The following RAP1B variants were observed in gnomAD, a reference collection of about 807,000 sequenced individuals.
RAP1B encodes the protein RAP1B, member of RAS oncogene family.
In RAP1B, 1 loss-of-function variant was observed where a neutral mutation model predicts 27.5. The ratio of observed to expected loss-of-function variants is 0.04; its 90% CI spans 0.01 to 0.17. The LOEUF is 0.17. Ranked by LOEUF, RAP1B falls within the 10% of genes least tolerant of loss-of-function variation. The pLI is 1.00. For missense variants in RAP1B, 84 were observed against 214.8 expected (o/e 0.39, Z 3.81); for synonymous variants, 75 against 73.1 (o/e 1.03, Z -0.13).
In RAP1B at chr12:68,664,348, T is replaced by G. The variant is rs1555174342; in HGVS notation, c.*5099T>G. On this transcript the variant is annotated 3_prime_UTR_variant, in exon 8 of 8. Transcript: ENST00000250559. ...TTTCAGAACAGGAAATTCTATTAAC[T>G]GTCAAACTCTTTAATGTGCAGTGCA... 1.3e-5 allele frequency: 2 copies of G among 152,176 alleles called. No homozygotes were observed. The highest frequency in any genetic ancestry group is 2.9e-5 in the Non-Finnish European group (2 of 68,034). The allele number at this position is 152,176 out of a possible 1,614,324, so 9.4% of individuals were successfully genotyped here.
intron 3 of RAP1B, chr12:68,650,689 A>G (rs1873750696): frequency 3.2e-6 from 1 of 316,648 alleles, no homozygotes; most frequent in Non-Finnish European, 5.5e-6. Context: ...AATTTGACAC[A>G]TAAACTTTAA....
intron 3 of RAP1B, chr12:68,651,554 A>G (rs1873814995): frequency 6.4e-6 from 1 of 156,520 alleles, no homozygotes; most frequent in Admixed American, 6.2e-5. Flanking sequence ...TTAATTCCAG[A>G]AATCTTGTTC....
In RAP1B at chr12:68,669,716, G is replaced by C. The variant is rs1460185702; in HGVS notation, c.*10467G>C. The C allele has an allele frequency of 6.6e-6, 1 of 152,116 alleles. No homozygotes were observed. Among genetic ancestry groups the C allele is most frequent in the Non-Finnish European group, 1.5e-5 (1 of 68,084 alleles). The allele number at this position is 152,116 out of a possible 1,614,324, so 9.4% of individuals were successfully genotyped here. A position where few individuals can be genotyped will look rare whatever the true frequency, so the allele number is the denominator to read the frequency against. On this transcript the variant is annotated 3_prime_UTR_variant, in exon 8 of 8. Coordinates refer to ENST00000250559, the MANE Select transcript of RAP1B (RefSeq NM_001010942.3). ...CTCTGGAGGCTGAGGCAGGAGAATCGCTTGAACCCAGGAGGCAGAGGGTGC... is the reference window on the plus strand; with the variant it reads ...CTCTGGAGGCTGAGGCAGGAGAATCCCTTGAACCCAGGAGGCAGAGGGTGC...
chr12:68,647,573 CTTT>C (rs535209428), intron 1 of RAP1B, among the ~76,000 whole-genome samples: 3 of 141,992 alleles, frequency 2.1e-5, no homozygotes. Flanking sequence ...CTTTTTTTCC[CTTT>C]TTTTTTTTTT....
chr12:68,654,075 ATTATT>A (rs774069886), intron 4 of RAP1B, 32 bp from the exon 5 acceptor site: 2 of 1,527,580 alleles, frequency 1.3e-6, no homozygotes, highest in Non-Finnish European at 1.8e-6. Context: ...CTGTCAAAAC[ATTATT>A]GTTTTTTAAC....
chr12:68,656,766 A>T, intron 6 of RAP1B: 2 of 527,938 alleles, frequency 3.8e-6, no homozygotes, highest in Admixed American at 7.4e-5. Flanking sequence ...TCCGAAAAGT[A>T]TGCATGGTTC....
At chr12:68,635,748 C>G (rs922970090) in intron 1 of RAP1B, among the ~76,000 whole-genome samples, 2 of 151,450 alleles carry the variant, frequency 1.3e-5, no homozygotes, top group Non-Finnish European at 2.9e-5. Flanking sequence ...AGCCAGCGTG[C>G]CTGGCCTACT....
intron 7 of RAP1B, 151 bp downstream of exon 7, chr12:68,657,368 TTAA>T (rs1190900377): frequency 2.0e-6 from 1 of 511,064 alleles, no homozygotes; most frequent in African/African-American, 2.0e-5. Flanking sequence ...TGCTATCTTA[TTAA>T]TTATTTACTT....
intron 1 of RAP1B, among the ~76,000 whole-genome samples, chr12:68,630,703 G>A (rs927482162): frequency 6.6e-6 from 1 of 151,728 alleles, no homozygotes; most frequent in Non-Finnish European, 1.5e-5. Context: ...TTCAAGGCAG[G>A]TTCTCACTCT....
chr12:68,615,940 C>T (rs769943632), intron 1 of RAP1B, among the ~76,000 whole-genome samples: 22 of 150,110 alleles, frequency 1.5e-4, no homozygotes, highest in Non-Finnish European at 2.4e-4. Context: ...AGTGAGCATC[C>T]ATTAAAAACT....
At chr12:68,653,047 T>G (rs1169755422) in intron 4 of RAP1B, among the ~76,000 whole-genome samples, 7 of 151,366 alleles carry the variant, frequency 4.6e-5, no homozygotes, top group Admixed American at 2.0e-4. Flanking sequence ...CCGTCTCTAT[T>G]AAAATACAAA....
At chr12:68,634,472 A>G (rs550043489) in intron 1 of RAP1B, among the ~76,000 whole-genome samples, 1 of 152,238 alleles carries the variant, frequency 6.6e-6, no homozygotes, top group African/African-American at 2.4e-5. Context: ...AAAAAAGGAC[A>G]TTTTTTTAAG....
chr12:68,632,322 C>T (rs1207106492), intron 1 of RAP1B, among the ~76,000 whole-genome samples: 4 of 151,816 alleles, frequency 2.6e-5, no homozygotes, highest in Non-Finnish European at 5.9e-5. Flanking sequence ...TTATTAGAGA[C>T]AGGGTTTTGC....
chr12:68,633,747 G>A (rs903365435), intron 1 of RAP1B, among the ~76,000 whole-genome samples: 5 of 152,070 alleles, frequency 3.3e-5, no homozygotes, highest in Non-Finnish European at 5.9e-5. Flanking sequence ...GCGTGTGCTC[G>A]TAGTCCCAGC....
In RAP1B at chr12:68,664,709, A is replaced by C. The variant is rs901375801; in HGVS notation, c.*5460A>C. 2.9e-4 allele frequency: 44 copies of C among 152,004 alleles called. No individual in the cohort carries two copies. The highest frequency in any genetic ancestry group is 1.0e-3 in the African/African-American group (42 of 41,370). The allele number at this position is 152,004 out of a possible 1,614,324, so 9.4% of individuals were successfully genotyped here. On this transcript the variant is annotated 3_prime_UTR_variant, in exon 8 of 8. Coordinates refer to ENST00000250559, the MANE Select transcript of RAP1B (RefSeq NM_001010942.3). Reference sequence around the variant, plus strand: ...GGGCAACAGAGTGAGACTGCAAAAAAAAGAAAAAGAAAAAAAAATCCAGTC... The same window carrying C: ...GGGCAACAGAGTGAGACTGCAAAAACAAGAAAAAGAAAAAAAAATCCAGTC...
At position 68,659,574 on chromosome 12, in the gene RAP1B, C is replaced by A. The variant is rs2135974775; in HGVS notation, c.*325C>A. Reference sequence around the variant, plus strand: ...GAAAATGGTGTACTGTATACTTTAACATGCCCCATACTTTGTATTGGAGAG... The same window carrying A: ...GAAAATGGTGTACTGTATACTTTAAAATGCCCCATACTTTGTATTGGAGAG... On this transcript the variant is annotated 3_prime_UTR_variant, in exon 8 of 8. Coordinates refer to ENST00000250559, the MANE Select transcript of RAP1B (RefSeq NM_001010942.3). 1 of 232,254 alleles carries A rather than the reference C, an allele frequency of 4.3e-6. No homozygotes were observed. Among genetic ancestry groups the A allele is most frequent in the Non-Finnish European group, 8.8e-6 (1 of 114,112 alleles). 14.4% of individuals were successfully genotyped at this position (232,254 alleles called of 1,614,324 possible). A position where few individuals can be genotyped will look rare whatever the true frequency, so the allele number is the denominator to read the frequency against.
rs1565679236 is a variant in RAP1B, at chr12:68,669,216, T to C, written c.*9967T>C. 6.6e-6 allele frequency: 1 copy of C among 152,198 alleles called. No homozygotes were observed. Among genetic ancestry groups the C allele is most frequent in the African/African-American group, 2.4e-5 (1 of 41,468 alleles). 9.4% of individuals were successfully genotyped at this position (152,198 alleles called of 1,614,324 possible). On this transcript the variant is annotated 3_prime_UTR_variant, in exon 8 of 8. Coordinates refer to ENST00000250559, the MANE Select transcript of RAP1B (RefSeq NM_001010942.3). ...AACTAAATGCCTTAAGGTATAAGGC[T>C]AAGAAAGAACTATTATAAACTCTTA...
intron 1 of RAP1B, among the ~76,000 whole-genome samples, chr12:68,611,906 T>G (rs1204667355): frequency 4.6e-5 from 7 of 152,204 alleles, no homozygotes; most frequent in Non-Finnish European, 1.0e-4. Flanking sequence ...GCTCTCCGGA[T>G]TTTTCTTCTG....
chr12:68,618,335 G>A (rs145158175), intron 1 of RAP1B, among the ~76,000 whole-genome samples: 4 of 151,856 alleles, frequency 2.6e-5, no homozygotes, highest in African/African-American at 4.8e-5. Flanking sequence ...TGATCTGCCC[G>A]CCTCGGCCTC....
Sources: allele counts gnomAD v4.1 joint callset (sites outside exome capture counted in the v4.1 genomes callset), GRCh38; gene constraint gnomAD v4.1.1; transcripts MANE v1.5; gene names NCBI Gene and HGNC (gene_info 2026-07-23, HGNC 2026-07-21).